MARCHF8: variants seen among roughly 807,000 people sequenced by gnomAD.
MARCHF8 encodes membrane associated ring-CH-type finger 8.
In MARCHF8, 40 loss-of-function variants were observed where a neutral mutation model predicts 51.6. The ratio of observed to expected loss-of-function variants is 0.77; its 90% CI spans 0.60 to 1.01. The LOEUF (loss-of-function observed/expected upper bound fraction) is 1.01. MARCHF8 is among the 50% of genes least tolerant of loss of function. The pLI is 0.00. For synonymous variants in MARCHF8, 263 were observed against 280.3 expected (o/e 0.94, Z 0.62); for missense variants, 685 against 708.6 (o/e 0.97, Z 0.38).
In MARCHF8 at chr10:45,455,182, T is replaced by A. The variant is rs890560742; in HGVS notation, c.*3057A>T. ...TGAGGCCTGCATGCCTGTGGCCAGG[T>A]AGGACACATGTGCAGGTTTGAAAAC... On this transcript the variant is annotated 3_prime_UTR_variant, in exon 8 of 8. Coordinates refer to ENST00000453424, the MANE Select transcript of MARCHF8 (RefSeq NM_001282866.2). 1 of 152,120 alleles carries A rather than the reference T, an allele frequency of 6.6e-6. No homozygotes were observed. The highest frequency in any genetic ancestry group is 1.5e-5 in the Non-Finnish European group (1 of 68,054). 9.4% of individuals were successfully genotyped at this position (152,120 alleles called of 1,614,324 possible).
intron 2 of MARCHF8, among the ~76,000 whole-genome samples, chr10:45,502,660 C>A (rs1489712775): frequency 6.6e-6 from 1 of 152,058 alleles, no homozygotes; most frequent in Non-Finnish European, 1.5e-5. Flanking sequence ...CAAATATTGA[C>A]AAAAGAGACC....
rs567777731 is a variant in MARCHF8, at chr10:45,457,132, T to A, written c.*1107A>T. On this transcript the variant is annotated 3_prime_UTR_variant, in exon 8 of 8. Transcript: ENST00000453424. The stretch of plus-strand genomic sequence containing the variant: ...TCTTGCATGCAAGGGAGAACCTGCA[T>A]GCAGTGCACACACCCCGGCCAGGGT... The A allele has an allele frequency of 6.6e-6, 1 of 152,288 alleles. No individual in the cohort carries two copies. Among genetic ancestry groups the A allele is most frequent in the African/African-American group, 2.4e-5 (1 of 41,476 alleles). 9.4% of individuals were successfully genotyped at this position (152,288 alleles called of 1,614,324 possible).
intron 1 of MARCHF8, among the ~76,000 whole-genome samples, chr10:45,586,908 C>A (rs1042782579): frequency 6.6e-6 from 1 of 151,740 alleles, no homozygotes. Flanking sequence ...CTATAGTATA[C>A]TGTTTCTTTT....
intron 3 of MARCHF8, among the ~76,000 whole-genome samples, chr10:45,487,883 A>C (rs771588804): frequency 3.9e-5 from 6 of 152,006 alleles, no homozygotes; most frequent in Non-Finnish European, 7.4e-5. Flanking sequence ...CAGCAGATAG[A>C]CTTTGTCACT....
intron 2 of MARCHF8, among the ~76,000 whole-genome samples, chr10:45,525,501 G>C (rs2043776592): frequency 6.6e-6 from 1 of 152,152 alleles, no homozygotes; most frequent in Non-Finnish European, 1.5e-5. Flanking sequence ...CAGACATGTA[G>C]AAGAATTCCA....
intron 3 of MARCHF8, among the ~76,000 whole-genome samples, chr10:45,482,333 CAA>C (rs1338130249): frequency 2.0e-5 from 3 of 152,000 alleles, no homozygotes; most frequent in Non-Finnish European, 4.4e-5. Flanking sequence ...CATATGGAAC[CAA>C]AAAAGAGCAC....
chr10:45,571,871 G>A (rs546278709), intron 1 of MARCHF8, among the ~76,000 whole-genome samples: 5 of 151,992 alleles, frequency 3.3e-5, no homozygotes, highest in East Asian at 3.9e-4. Context: ...TGTTTTATCC[G>A]TGGACCCAAA....
chr10:45,463,776 A>G lies in MARCHF8; in HGVS notation c.463T>C (p.Ser155Pro), dbSNP rs1842876584. Residue 155 changes from serine to proline, a missense_variant, in exon 5 of 8, where the codon TCA (serine) becomes CCA (proline). Coordinates refer to ENST00000453424, the MANE Select transcript of MARCHF8 (RefSeq NM_001282866.2). Reference sequence around the variant, plus strand: ...TCACCCACATCATTGAGGGACCTTGAGAACTTTAGTGTTCTTCTGGCTTTG... The same window carrying G: ...TCACCCACATCATTGAGGGACCTTGGGAACTTTAGTGTTCTTCTGGCTTTG... ...NTKARRTLKF[S>P]RSLNDVGEKA... 6.4e-7 allele frequency: 1 copy of G among 1,550,980 alleles called. No homozygotes were observed. Among genetic ancestry groups the G allele is most frequent in the South Asian group, 1.2e-5 (1 of 84,070 alleles).
At chr10:45,524,808 C>CA (rs35546048) in intron 2 of MARCHF8, among the ~76,000 whole-genome samples, 29 of 144,872 alleles carry the variant, frequency 2.0e-4, no homozygotes, top group Admixed American at 9.6e-4. Context: ...TCTGGTAGCC[C>CA]AAAAAAAAAA....
chr10:45,494,579 T>A (rs1360757551), intron 2 of MARCHF8, among the ~76,000 whole-genome samples: 1 of 152,200 alleles, frequency 6.6e-6, no homozygotes, highest in Non-Finnish European at 1.5e-5. Flanking sequence ...TCCACACTAC[T>A]TTGCAGTTAA....
chr10:45,460,945 CACAA>C lies in MARCHF8; in HGVS notation c.1269+282_1269+285del, dbSNP rs761488848. 1.9e-3 allele frequency: 579 copies of C among 305,406 alleles called. 4 individuals carry two copies. The highest frequency in any genetic ancestry group is 2.8e-3 in the Non-Finnish European group (470 of 166,364). The allele number at this position is 305,406 out of a possible 1,614,324, so 18.9% of individuals were successfully genotyped here. ...TATAAAATTAGGTGCTAAGATATGT[CACAA>C]ACAGTCTGTAGTCAAAGGCCAGAGG... is the stretch of plus-strand genomic sequence containing the variant. On this transcript the variant is annotated intron_variant, in intron 6 of 7. Transcript: ENST00000453424.
chr10:45,593,548 T>C (rs1184295269), intron 1 of MARCHF8: 1 of 152,228 alleles, frequency 6.6e-6, no homozygotes, highest in African/African-American at 2.4e-5. Flanking sequence ...TTTTTAGCGT[T>C]TTCATGTTTT....
Position 45,457,846 on chromosome 10 carries a change from A to G in MARCHF8, c.*393T>C, listed in dbSNP as rs528878613. 15 of 194,644 alleles carry G rather than the reference A, an allele frequency of 7.7e-5. No individual in the cohort carries two copies. The highest frequency in any genetic ancestry group is 1.4e-4 in the South Asian group (1 of 7,210). The allele number at this position is 194,644 out of a possible 1,614,324, so 12.1% of individuals were successfully genotyped here. On this transcript the variant is annotated 3_prime_UTR_variant, in exon 8 of 8. Transcript: ENST00000453424. ...TCTCGTCATGGCTAGACACTCCCCAATGCTCTGCTCCAGGCTGGGGACCAC... is the reference window on the plus strand; with the variant it reads ...TCTCGTCATGGCTAGACACTCCCCAGTGCTCTGCTCCAGGCTGGGGACCAC...
At chr10:45,543,666 C>T (rs1004325642) in intron 1 of MARCHF8, among the ~76,000 whole-genome samples, 4 of 151,822 alleles carry the variant, frequency 2.6e-5, no homozygotes, top group African/African-American at 9.7e-5. Flanking sequence ...GGCACGGTGG[C>T]GGGCGCCTGT....
intron 1 of MARCHF8, among the ~76,000 whole-genome samples, chr10:45,568,377 C>T (rs1021863366): frequency 3.1e-4 from 47 of 152,102 alleles, no homozygotes; most frequent in African/African-American, 1.1e-3. Context: ...GTCCAATTTT[C>T]GGTTTCCCTG....
intron 3 of MARCHF8, among the ~76,000 whole-genome samples, chr10:45,470,074 A>G (rs905896945): frequency 1.3e-5 from 2 of 152,184 alleles, no homozygotes; most frequent in Non-Finnish European, 2.9e-5. Flanking sequence ...ATCTCTAGAA[A>G]GAAGGTTTTC....
At chr10:45,575,130 T>G (rs566780262) in intron 1 of MARCHF8, among the ~76,000 whole-genome samples, 1 of 152,188 alleles carries the variant, frequency 6.6e-6, no homozygotes, top group Admixed American at 6.5e-5. Context: ...ACAACGCTTA[T>G]GCTGATAAGG....
chr10:45,462,918 G>A lies in MARCHF8; in HGVS notation c.1088+233C>T, dbSNP rs555966821. Among the ~76,000 whole-genome samples, 5 of 152,276 alleles carry A rather than the reference G, an allele frequency of 3.3e-5. No homozygotes were observed. The South Asian group carries it at 8.3e-4, about 25-fold the overall frequency. On this transcript the variant is annotated intron_variant, in intron 5 of 7. Coordinates refer to ENST00000453424, the MANE Select transcript of MARCHF8 (RefSeq NM_001282866.2). ...TGGGATTACAGGCGTGAGCCACTGC[G>A]CCCAGCCAGCTTCTTCCTCTTTTAT...
chr10:45,580,270 TA>T (rs2133420223), intron 1 of MARCHF8, among the ~76,000 whole-genome samples: 1 of 151,976 alleles, frequency 6.6e-6, no homozygotes, highest in African/African-American at 2.4e-5. Context: ...GTTAAGAGAA[TA>T]AAGTTTACAA....
Sources: allele counts gnomAD v4.1 joint callset (sites outside exome capture counted in the v4.1 genomes callset), GRCh38; gene constraint gnomAD v4.1.1; transcripts MANE v1.5; gene names NCBI Gene and HGNC (gene_info 2026-07-23, HGNC 2026-07-21).